ERI2: variants seen among roughly 807,000 people sequenced by gnomAD.
ERI2 encodes ERI1 exoribonuclease family member 2.
Under a neutral mutation model 46.8 loss-of-function variants are expected in ERI2, and 35 were observed. That is an observed-to-expected ratio of 0.75 (90% CI 0.57 to 0.99). The LOEUF is 0.99. Among genes scored for constraint, ERI2 ranks in the 50% least tolerant of loss-of-function variants. The pLI is 0.00. For missense variants in ERI2, 695 were observed against 796.2 expected, an observed-to-expected ratio of 0.87 and a Z score of 1.53; for synonymous variants, 224 against 271.0, an observed-to-expected ratio of 0.83 and a Z score of 1.70.
chr16:20,806,317 C>T (rs2080871624), intron 1 of ERI2, 91 bp downstream of exon 1: 1 of 1,519,376 alleles, frequency 6.6e-7, no homozygotes, highest in Non-Finnish European at 8.8e-7. Flanking sequence ...AGGCCCTCAC[C>T]GCAGATGCCA....
In ERI2 at chr16:20,797,930, T is replaced by C; in HGVS notation, c.1870A>G (p.Ile624Val). Residue 624 changes from isoleucine to valine, a missense_variant, in exon 9 of 9, where the codon ATC becomes GTC. Ile to Val is a conservative substitution (Grantham distance 29, BLOSUM62 3). Coordinates refer to ENST00000357967, the MANE Select transcript of ERI2 (RefSeq NM_001142725.2). ...TTTCTGTTTTCTTGGTATTTCCCGATAGGGCAACAATAGAAGACTTTTCCA... is the reference window on the plus strand; with the variant it reads ...TTTCTGTTTTCTTGGTATTTCCCGACAGGGCAACAATAGAAGACTTTTCCA... ...NHGKVFYCCPIGKYQENRKCC... is the reference protein window; with the variant it reads ...NHGKVFYCCPVGKYQENRKCC... 6 of 1,551,830 alleles carry C rather than the reference T, an allele frequency of 3.9e-6. No individual in the cohort carries two copies. Among genetic ancestry groups the C allele is most frequent in the Non-Finnish European group, 5.2e-6 (6 of 1,146,964 alleles).
downstream of ERI2, chr16:20,792,784 A>G: frequency 1.2e-6 from 1 of 842,836 alleles, no homozygotes; most frequent in Non-Finnish European, 1.4e-6. Context: ...AACCATAAGC[A>G]GTCTTGGTAG....
At position 20,799,341 on chromosome 16, in the gene ERI2, A is replaced by C; in HGVS notation, c.654T>G (p.Asp218Glu). The change falls in exon 8 of 9, where the codon GAT (aspartate) becomes GAG (glutamate). Residue 218 changes from aspartate (D) to glutamate (E), a missense_variant. By Grantham distance (45) the Asp-to-Glu change is conservative. Transcript: ENST00000357967. The part of the protein sequence containing the change: ...FSGREHSGLD[D>E]SRNTALLAWK... The stretch of plus-strand genomic sequence containing the variant: ...AAGCAAGAAGGGCAGTATTCCGAGA[A>C]TCGTCCAACCCTGAGGATACAGATA... The C allele has an allele frequency of 6.2e-7, 1 of 1,613,686 alleles. No individual in the cohort carries two copies. The highest frequency in any genetic ancestry group is 8.5e-7 in the Non-Finnish European group (1 of 1,179,634).
rs565534053 is a variant in ERI2 at position 20,782,764 on chromosome 16, TGCTATGATG to T, written c.895-2039_895-2031del. On this transcript the variant is annotated intron_variant, in intron 10 of 10. Transcript: ENST00000300005. ...TGACCCTTCCTTGGGTTTAGTAATT[TGCTATGATG>T]GCTCACAGAGTGCAAGAAAACACTT... is the stretch of plus-strand genomic sequence containing the variant. Among the ~76,000 whole-genome samples, 14 of 152,314 alleles carry T rather than the reference TGCTATGATG, an allele frequency of 9.2e-5. No homozygotes were observed. The East Asian group carries it at 2.7e-3, about 29-fold the overall frequency.
Position 20,798,650 on chromosome 16 carries a change from C to T in ERI2, c.1150G>A (p.Val384Ile), listed in dbSNP as rs756415130. ...GSELVLVSTT[V>I]PTVHHVSDLE... is the part of the protein sequence containing the mutation. The stretch of plus-strand genomic sequence containing the variant: ...TCAGAAACATGATGAACAGTTGGAA[C>T]GGTGGTAGAAACAAGTACCAATTCT... The change falls in exon 9 of 9, where the codon GTT (valine) becomes ATT (isoleucine). Residue 384 changes from valine (V) to isoleucine (I), a missense_variant. Physicochemically the swap from Val to Ile is conservative, Grantham distance 29. Coordinates refer to ENST00000357967, the MANE Select transcript of ERI2 (RefSeq NM_001142725.2). 2.6e-5 allele frequency: 40 copies of T among 1,551,582 alleles called. No homozygotes were observed. The highest frequency in any genetic ancestry group is 1.3e-4 in the South Asian group (11 of 84,056).
chr16:20,801,311 A>G lies in ERI2; in HGVS notation c.352T>C (p.Cys118Arg). 1 of 1,611,358 alleles carries G rather than the reference A, an allele frequency of 6.2e-7. No individual in the cohort carries two copies. Residue 118 changes from cysteine to arginine, a missense_variant, in exon 5 of 9, where the codon TGT becomes CGT. By Grantham distance (180) the Cys-to-Arg change is radical (BLOSUM62 -3). Transcript: ENST00000357967. ...VPLKICLSQF[C>R]KWIHKIQQQK... ...TGCTGAATCTTATGAATCCATTTAC[A>G]GAACTGAGATAAGCAAATCTTCAGA...
At position 20,783,964 on chromosome 16, in the gene ERI2, C is replaced by G. The variant is rs143942306; in HGVS notation, c.895-3230G>C. Among the ~76,000 whole-genome samples, 1,212 of 152,282 alleles carry G rather than the reference C, an allele frequency of 8.0e-3. 17 individuals carry two copies. The highest frequency in any genetic ancestry group is 0.027 in the African/African-American group (1,142 of 41,548). On this transcript the variant is annotated intron_variant, in intron 10 of 10. Coordinates refer to the ERI2 transcript ENST00000300005. The stretch of plus-strand genomic sequence containing the variant: ...AGGATTACAGGTGTGCACCACCATG[C>G]CTGGCTACTTTTTGTATTTTTAGTG...
chr16:20,803,663 C>G lies in ERI2; in HGVS notation c.31G>C (p.Gly11Arg). Reference protein sequence around the residue: MATKRLARQLGLIRRKSIAPA... With the variant: MATKRLARQLRLIRRKSIAPA... ...GCAATTGACTTTCTCCTAATTAATCCAAGCTGCCTAAAAATGTGAAGCAAT... is the reference window on the plus strand; with the variant it reads ...GCAATTGACTTTCTCCTAATTAATCGAAGCTGCCTAAAAATGTGAAGCAAT... Residue 11 changes from glycine (G) to arginine (R), a missense_variant, in exon 2 of 9, where the codon GGA (glycine) becomes CGA (arginine). Gly to Arg is a moderately radical substitution (Grantham distance 125). Transcript: ENST00000357967. The G allele has an allele frequency of 6.2e-7, 1 of 1,613,852 alleles. No homozygotes were observed.
intron 10 of ERI2, among the ~76,000 whole-genome samples, chr16:20,788,980 A>G (rs2080533992): frequency 6.6e-6 from 1 of 152,250 alleles, no homozygotes. Flanking sequence ...GTGCTAGATA[A>G]GTATTATACT....
intron 3 of ERI2, among the ~76,000 whole-genome samples, chr16:20,803,188 T>G (rs2080814329): frequency 6.6e-6 from 1 of 152,222 alleles, no homozygotes; most frequent in African/African-American, 2.4e-5. Flanking sequence ...ATTTACTTTT[T>G]TTGCAAAGGC....
chr16:20,787,739 A>G (rs1486029286), intron 10 of ERI2, among the ~76,000 whole-genome samples: 1 of 152,222 alleles, frequency 6.6e-6, no homozygotes. Context: ...TAGTGGTTCA[A>G]CTATATCTCT....
At chr16:20,806,249 C>A (rs960834799) in intron 1 of ERI2, 159 bp downstream of exon 1, 8 of 1,414,800 alleles carry the variant, frequency 5.7e-6, no homozygotes, top group Non-Finnish European at 6.4e-6. Context: ...TCCAGGGAGG[C>A]GCCTTTCCAA....
chr16:20,793,683 G>A (rs187984075), downstream of ERI2, among the ~76,000 whole-genome samples: 7 of 152,268 alleles, frequency 4.6e-5, no homozygotes, highest in Admixed American at 4.6e-4. Flanking sequence ...GATGACAATC[G>A]CTATTTACTG....
chr16:20,791,954 C>T (rs1043080032), downstream of ERI2: 3 of 1,589,890 alleles, frequency 1.9e-6, no homozygotes, highest in Non-Finnish European at 2.6e-6. Flanking sequence ...TCCAATTGAC[C>T]AGAAGAGTTG....
Position 20,803,421 on chromosome 16 carries a change from G to A in ERI2, c.175+12C>T. The A allele has an allele frequency of 1.9e-6, 3 of 1,611,990 alleles. No homozygotes were observed. The highest frequency in any genetic ancestry group is 1.1e-5 in the South Asian group (1 of 90,732). Reference sequence around the variant, plus strand: ...CTAGTGCCAGCTTTGGCCATTCGTAGCCCAGACTTACTTATTTCCTGGCTA... The same window carrying A: ...CTAGTGCCAGCTTTGGCCATTCGTAACCCAGACTTACTTATTTCCTGGCTA... On this transcript the variant is annotated intron_variant, in intron 3 of 8. Coordinates refer to ENST00000357967, the MANE Select transcript of ERI2 (RefSeq NM_001142725.2).
At chr16:20,782,219 CTTTGTTTTGTTTTTGTTTTTGT>C (rs2080367451) in intron 10 of ERI2, among the ~76,000 whole-genome samples, 1 of 152,060 alleles carries the variant, frequency 6.6e-6, no homozygotes, top group Admixed American at 6.6e-5. Context: ...CCCCGTTTCT[CTTTGTTTTGTTTTTGTTTTTGT>C]TTTGTTTTGT....
intron 10 of ERI2, chr16:20,786,047 T>A: frequency 7.1e-7 from 1 of 1,416,614 alleles, no homozygotes; most frequent in Non-Finnish European, 9.6e-7. Flanking sequence ...TGACTTGTAA[T>A]GTTATCTTAC....
rs967293952 is a variant in ERI2, at chr16:20,802,930, GA to G, written c.176-8del. 6 of 1,577,072 alleles carry G rather than the reference GA, an allele frequency of 3.8e-6. No homozygotes were observed. Among genetic ancestry groups the G allele is most frequent in the Admixed American group, 3.5e-5 (2 of 56,464 alleles). On this transcript the variant is annotated splice_polypyrimidine_tract_variant and splice_region_variant and intron_variant, in intron 3 of 8. Transcript: ENST00000357967. ...AACACTGCTGGAAACTCAACTAAATGAAAGAATAATCAATTGACAGTTGAAT... is the reference window on the plus strand; with the variant it reads ...AACACTGCTGGAAACTCAACTAAATGAAGAATAATCAATTGACAGTTGAAT...
Position 20,800,289 on chromosome 16 carries a change from T to C in ERI2, c.561+13A>G. 6.4e-7 allele frequency: 1 copy of C among 1,569,356 alleles called. No homozygotes were observed. Among genetic ancestry groups the C allele is most frequent in the Non-Finnish European group, 8.7e-7 (1 of 1,145,646 alleles). ...TAGAAAAAAGTAAACATGCCCCCAT[T>C]TTTTACCATTACCTTGTAAGTTGCT... On this transcript the variant is annotated intron_variant, in intron 6 of 8. Transcript: ENST00000357967.
Sources: gnomAD v4.1 joint callset for allele counts (sites outside exome capture counted in the v4.1 genomes callset) on GRCh38, gnomAD v4.1.1 for gene constraint, MANE v1.5 for transcripts, NCBI Gene and HGNC (gene_info 2026-07-23, HGNC 2026-07-21) for gene names.